The following OSBPL7 variants were observed in gnomAD, a reference collection of about 807,000 sequenced individuals.
The protein encoded by OSBPL7 is oxysterol-binding protein-related protein 7.
Under a neutral mutation model 115.8 loss-of-function variants are expected in OSBPL7, and 66 were observed. The observed-to-expected ratio is 0.57, with a 90% CI of 0.47 to 0.70. OSBPL7 has a LOEUF of 0.70. OSBPL7 is among the 30% of genes least tolerant of loss of function. The pLI is 0.00. For synonymous variants in OSBPL7, 441 were observed against 439.2 expected (o/e 1.00, Z -0.05); for missense variants, 902 against 1,125.5 (o/e 0.80, Z 2.84).
At chr17:47,812,853 C>CA (rs1048442600) in intron 16 of OSBPL7, among the ~76,000 whole-genome samples, 8 of 152,326 alleles carry the variant, frequency 5.3e-5, no homozygotes, top group African/African-American at 1.9e-4. Flanking sequence ...AACACACATA[C>CA]AAAAGCCCAA....
intron 1 of OSBPL7, chr17:47,820,617 G>A (rs533839366): frequency 2.0e-5 from 5 of 247,568 alleles, no homozygotes; most frequent in African/African-American, 6.8e-5. Context: ...GCCCAGCCCC[G>A]CCTTGGGCAC....
intron 18 of OSBPL7, 149 bp from the exon 19 acceptor site, chr17:47,809,627 A>T (rs2143520256): frequency 1.1e-6 from 1 of 873,096 alleles, no homozygotes; most frequent in East Asian, 2.7e-5. Context: ...GATGACTTAT[A>T]TTCACAAGGA....
intron 14 of OSBPL7, among the ~76,000 whole-genome samples, 187 bp downstream of exon 14, chr17:47,814,334 A>G (rs11653727): frequency 0.025 from 3,804 of 152,306 alleles, 56 homozygotes; most frequent in Middle Eastern, 0.058. Context: ...GGCCCACCCC[A>G]GCAGAGCTGC....
Position 47,808,731 on chromosome 17 carries a change from T to C in OSBPL7, c.2298-71A>G. The C allele has an allele frequency of 6.2e-7, 1 of 1,606,740 alleles. No individual in the cohort carries two copies. Among genetic ancestry groups the C allele is most frequent in the South Asian group, 1.1e-5 (1 of 90,210 alleles). ...CCCCCAAACCCAAGGCCTCTGTCTC[T>C]GCCCAACTCTGTCCTCTAGACAAGC... On this transcript the variant is annotated intron_variant, in intron 21 of 22. Coordinates refer to ENST00000007414, the MANE Select transcript of OSBPL7 (RefSeq NM_145798.3). The surrounding 1 kb of genome is among the most constrained non-coding windows in gnomAD (Gnocchi z 6.1).
intron 7 of OSBPL7, among the ~76,000 whole-genome samples, chr17:47,817,587 C>T (rs2033266795): frequency 6.6e-6 from 1 of 152,048 alleles, no homozygotes; most frequent in Admixed American, 6.5e-5. Context: ...GATGGGGTTC[C>T]ACTATGTTGG....
intron 8 of OSBPL7, 155 bp from the exon 9 acceptor site, chr17:47,817,027 G>C: frequency 2.6e-6 from 2 of 768,284 alleles, no homozygotes; most frequent in Non-Finnish European, 4.4e-6. Flanking sequence ...GGGCGACAGA[G>C]ACAACTGACA....
At chr17:47,809,889 T>C (rs2032983108) in intron 18 of OSBPL7, among the ~76,000 whole-genome samples, 1 of 140,274 alleles carries the variant, frequency 7.1e-6, no homozygotes. Flanking sequence ...CATCACTATT[T>C]TCTTTTCTTT....
rs747313762 is a variant in OSBPL7, at chr17:47,820,299, C to T, written c.-21G>A. Reference sequence around the variant, plus strand: ...TCCATGGAGAAGGGAGAGGCCACTCCCTGCTGGGGATGTAGAGCAGGGAGC... The same window carrying T: ...TCCATGGAGAAGGGAGAGGCCACTCTCTGCTGGGGATGTAGAGCAGGGAGC... On this transcript the variant is annotated 5_prime_UTR_variant, in exon 2 of 23. Coordinates refer to ENST00000007414, the MANE Select transcript of OSBPL7 (RefSeq NM_145798.3). 3 of 1,610,336 alleles carry T rather than the reference C, an allele frequency of 1.9e-6. No homozygotes were observed. Among genetic ancestry groups the T allele is most frequent in the African/African-American group, 2.7e-5 (2 of 74,852 alleles).
intron 13 of OSBPL7, 185 bp from the exon 14 acceptor site, chr17:47,814,799 C>A: frequency 1.6e-6 from 1 of 613,616 alleles, no homozygotes; most frequent in East Asian, 2.8e-5. Flanking sequence ...TGTGCCCAGC[C>A]ACCTTGGGAA....
chr17:47,810,716 G>A (rs770566596), intron 17 of OSBPL7, 44 bp from the exon 18 acceptor site: 2 of 1,612,642 alleles, frequency 1.2e-6, no homozygotes, highest in Admixed American at 1.7e-5. Flanking sequence ...CAGAGATAAG[G>A]CCAGAGGGTG....
rs1469191134 is a variant in OSBPL7 at position 47,817,349 on chromosome 17, C to T, written c.609G>A (p.Glu203=). The T allele has an allele frequency of 1.9e-6, 3 of 1,601,574 alleles. No homozygotes were observed. Among genetic ancestry groups the T allele is most frequent in the Non-Finnish European group, 2.6e-6 (3 of 1,176,452 alleles). Residue 203 remains glutamate, a synonymous_variant, in exon 8 of 23, where the codon GAG becomes GAA. Transcript: ENST00000007414. ...GTAGTTCCTGGAGCTTCCCCTGACACTCAGAGAGCTCTGCGGGGAAAAAGA... is the reference window on the plus strand; with the variant it reads ...GTAGTTCCTGGAGCTTCCCCTGACATTCAGAGAGCTCTGCGGGGAAAAAGA... The part of the protein sequence containing the change: ...GLDRCSHELS[E]CQGKLQELHR...
chr17:47,817,230 A>G (rs2033250345), intron 8 of OSBPL7, 26 bp downstream of exon 8: 2 of 1,534,408 alleles, frequency 1.3e-6, no homozygotes, highest in Middle Eastern at 1.7e-4. Context: ...CCTGAGCAGG[A>G]CCCTGTGTGT....
chr17:47,809,941 G>C (rs375441697), intron 18 of OSBPL7, among the ~76,000 whole-genome samples: 5 of 115,774 alleles, frequency 4.3e-5, no homozygotes, highest in African/African-American at 1.0e-4. Flanking sequence ...ACAGAGTCTT[G>C]CTCTGTTGCC....
In OSBPL7 at chr17:47,813,842, C is replaced by T. The variant is rs781550435; in HGVS notation, c.1352-8G>A. On this transcript the variant is annotated splice_region_variant and splice_polypyrimidine_tract_variant and intron_variant, in intron 14 of 22. Coordinates refer to ENST00000007414, the MANE Select transcript of OSBPL7 (RefSeq NM_145798.3). ...TCCCTGGAACACACCCCCCTGGGGC[C>T]GCCCTGCCATGTCACTCTCCATCTG... 15 of 1,601,278 alleles carry T rather than the reference C, an allele frequency of 9.4e-6. No individual in the cohort carries two copies. The highest frequency in any genetic ancestry group is 6.7e-5 in the East Asian group (3 of 44,650).
intron 13 of OSBPL7, chr17:47,814,961 C>G (rs542984592): frequency 1.8e-6 from 1 of 565,832 alleles, no homozygotes; most frequent in South Asian, 2.4e-5. Flanking sequence ...GGAAGATGAC[C>G]GGGGTTGCAA....
chr17:47,819,366 C>T, intron 4 of OSBPL7: 2 of 562,886 alleles, frequency 3.6e-6, no homozygotes, highest in Non-Finnish European at 3.2e-6. Flanking sequence ...TTGTGGAAGG[C>T]AACACCCTCC....
In OSBPL7 at chr17:47,819,453, GC is replaced by G. The variant is rs1835111604; in HGVS notation, c.255+275del. 7.9e-5 allele frequency: 46 copies of G among 580,228 alleles called. No homozygotes were observed. In the South Asian group the frequency reaches 9.7e-4, roughly 12 times the overall value. The allele number at this position is 580,228 out of a possible 1,614,324, so 35.9% of individuals were successfully genotyped here. The stretch of plus-strand genomic sequence containing the variant: ...ATGGGACCAGGATGAGGGTGGTAAA[GC>G]CCCCATTTCTTGGGCACTTATTCTG... On this transcript the variant is annotated intron_variant, in intron 4 of 22. Coordinates refer to ENST00000007414, the MANE Select transcript of OSBPL7 (RefSeq NM_145798.3).
At chr17:47,818,912 C>A (rs557000422) in intron 5 of OSBPL7, 74 bp downstream of exon 5, 9 of 1,299,394 alleles carry the variant, frequency 6.9e-6, no homozygotes, top group Non-Finnish European at 1.0e-5. Context: ...AGACCCTCAG[C>A]CCCTGCCCCT....
intron 18 of OSBPL7, 122 bp downstream of exon 18, chr17:47,810,472 T>C (rs1057194123): frequency 7.6e-6 from 6 of 785,992 alleles, no homozygotes; most frequent in African/African-American, 1.7e-5. Context: ...CTGACGCCAC[T>C]GCAAGCAGCT....
Sources: allele counts gnomAD v4.1 joint callset (sites outside exome capture counted in the v4.1 genomes callset), GRCh38; gene constraint gnomAD v4.1.1; non-coding constraint Gnocchi (gnomAD v3.1); transcripts MANE v1.5; gene names NCBI Gene and HGNC (gene_info 2026-07-23, HGNC 2026-07-21).